Variants in STEAP3 observed in about 807,000 individuals in gnomAD.
STEAP3 encodes the protein STEAP3 metalloreductase.
A neutral mutation model predicts 34.9 loss-of-function variants in STEAP3; 35 were observed. The observed-to-expected ratio is 1.00, with a 90% CI of 0.76 to 1.33. STEAP3 has a LOEUF of 1.33. Among genes scored for constraint, STEAP3 ranks in the 40% most tolerant of loss-of-function variants. The pLI is 0.00. For synonymous variants in STEAP3, 281 were observed against 301.6 expected, an observed-to-expected ratio of 0.93 and a Z score of 0.71; for missense variants, 652 against 667.6, an observed-to-expected ratio of 0.98 and a Z score of 0.26.
At chr2:119,224,455 G>T (rs1017706231) in intron 1 of STEAP3, among the ~76,000 whole-genome samples, 1 of 152,212 alleles carries the variant, frequency 6.6e-6, no homozygotes, top group South Asian at 2.1e-4. Flanking sequence ...CCCTTGCCTG[G>T]CAAAGTTCCC....
chr2:119,259,858 T>C (rs550164698), intron 5 of STEAP3, among the ~76,000 whole-genome samples: 2 of 152,276 alleles, frequency 1.3e-5, no homozygotes, highest in East Asian at 3.9e-4. Context: ...GGGCTTTGTC[T>C]AAGGAACAGA....
At chr2:119,257,316 A>G (rs1282785794) in intron 5 of STEAP3, 6 of 1,109,248 alleles carry the variant, frequency 5.4e-6, no homozygotes, top group Non-Finnish European at 7.1e-6. Context: ...GTCCCTGTCA[A>G]ATAGGCTGAA....
In STEAP3 at chr2:119,262,338, AC is replaced by A. The variant is rs1677965783; in HGVS notation, c.1216-718del. On this transcript the variant is annotated intron_variant, in intron 5 of 5. Coordinates refer to ENST00000393110, the MANE Select transcript of STEAP3 (RefSeq NM_182915.3). ...CACACATAACTAGTAAAATTTATAC[AC>A]ACACACACACACACACATATACATG... Among the ~76,000 whole-genome samples the A allele has an allele frequency of 5.2e-5, 7 of 135,180 alleles. No homozygotes were observed. The Middle Eastern group carries it at 0.017, about 322-fold the overall frequency. The allele number at this position is 135,180 out of a possible 152,430, so 88.7% of individuals were successfully genotyped here.
rs753931702 is a variant in STEAP3 at position 119,231,018 on chromosome 2, G to A, written c.6G>A (p.Ser2=). Residue 2 remains serine (S), a synonymous_variant, in exon 2 of 6, where the codon TCG becomes TCA. Transcript: ENST00000393110. The part of the protein sequence containing the change: M[S]HQPAVATKMP... ...CAGACCCTCACGTCAGCCGGATGTC[G>A]CACCAGCCTGCTGTTGGTAAGTCTG... 1.3e-4 allele frequency: 206 copies of A among 1,614,054 alleles called. No individual in the cohort carries two copies. Among genetic ancestry groups the A allele is most frequent in the Non-Finnish European group, 1.6e-4 (186 of 1,180,048 alleles).
chr2:119,245,761 G>A lies in STEAP3; in HGVS notation c.295G>A (p.Val99Met), dbSNP rs201481272. The A allele has an allele frequency of 6.6e-5, 107 of 1,614,112 alleles. 1 individual carries two copies. The highest frequency in any genetic ancestry group is 2.5e-5 in the Non-Finnish European group (29 of 1,180,056). Residue 99 changes from valine (V) to methionine (M), a missense_variant, in exon 3 of 6, where the codon GTG (valine) becomes ATG (methionine). Coordinates refer to ENST00000393110, the MANE Select transcript of STEAP3 (RefSeq NM_182915.3). ...EAVSSPEVIFVAVFREHYSSL... is the reference protein window; with the variant it reads ...EAVSSPEVIFMAVFREHYSSL... ...AGTGAGCTCCCCGGAGGTCATCTTT[G>A]TGGCTGTGTTCCGGGAGCACTACTC...
intron 2 of STEAP3, among the ~76,000 whole-genome samples, chr2:119,231,354 T>A: frequency 7.9e-6 from 1 of 126,216 alleles, no homozygotes; most frequent in East Asian, 2.2e-4. Context: ...TGTGTGTGTG[T>A]GTGTGTGTGT....
intron 1 of STEAP3, among the ~76,000 whole-genome samples, chr2:119,227,776 T>TG (rs918740426): frequency 3.3e-5 from 5 of 152,108 alleles, no homozygotes; most frequent in Non-Finnish European, 5.9e-5. Context: ...GCCAGCATGC[T>TG]GGGGTCTGTG....
At chr2:119,248,296 C>T in intron 4 of STEAP3, 90 bp downstream of exon 4, 2 of 1,419,188 alleles carry the variant, frequency 1.4e-6, no homozygotes, top group South Asian at 1.4e-5. Context: ...CAGCCGATAC[C>T]CACGGGTGCA....
intron 1 of STEAP3, 128 bp from the exon 2 acceptor site, chr2:119,230,492 A>C (rs1676891460): frequency 6.1e-6 from 1 of 164,960 alleles, no homozygotes; most frequent in African/African-American, 2.4e-5. Flanking sequence ...TGGTGACTGC[A>C]ATAAATTTCC....
intron 2 of STEAP3, chr2:119,245,081 G>A (rs1042442595): frequency 3.8e-5 from 7 of 183,070 alleles, no homozygotes; most frequent in African/African-American, 1.2e-4. Flanking sequence ...AACACCCAGC[G>A]ATGGTGAGGT....
chr2:119,241,438 G>A (rs914528455), intron 2 of STEAP3, among the ~76,000 whole-genome samples: 1 of 152,246 alleles, frequency 6.6e-6, no homozygotes, highest in African/African-American at 2.4e-5. Flanking sequence ...GCATTTTCCT[G>A]TTGCAGACTG....
At chr2:119,245,437 A>G in intron 2 of STEAP3, 52 bp from the exon 3 acceptor site, 1 of 1,521,654 alleles carries the variant, frequency 6.6e-7, no homozygotes, top group Non-Finnish European at 8.8e-7. Flanking sequence ...GAGGTGGCAG[A>G]AGGGGCAGTC....
chr2:119,248,378 A>G, intron 4 of STEAP3, 172 bp downstream of exon 4: 1 of 739,228 alleles, frequency 1.4e-6, no homozygotes, highest in Non-Finnish European at 2.1e-6. Flanking sequence ...CAAGATTTTG[A>G]GTATCAGTGA....
At chr2:119,229,465 A>T (rs1679148350) in intron 1 of STEAP3, among the ~76,000 whole-genome samples, 2 of 152,206 alleles carry the variant, frequency 1.3e-5, no homozygotes, top group South Asian at 4.1e-4. Context: ...CAGAGCAAGG[A>T]AAGGTGCACA....
At chr2:119,249,356 C>T (rs570307574) in intron 4 of STEAP3, among the ~76,000 whole-genome samples, 1 of 152,226 alleles carries the variant, frequency 6.6e-6, no homozygotes, top group Non-Finnish European at 1.5e-5. Context: ...GCTCATGGGG[C>T]TTGATTCTTA....
chr2:119,240,433 C>T (rs770316760), intron 2 of STEAP3, among the ~76,000 whole-genome samples: 11 of 152,218 alleles, frequency 7.2e-5, no homozygotes, highest in South Asian at 2.1e-4. Flanking sequence ...CAATCCATAC[C>T]GACCTCACAG....
chr2:119,248,273 CA>C (rs1677514506), intron 4 of STEAP3, 67 bp downstream of exon 4: 3 of 1,406,310 alleles, frequency 2.1e-6, no homozygotes, highest in Non-Finnish European at 2.9e-6. Context: ...CTCCCCCCCC[CA>C]CCAACCAGGT....
At position 119,235,239 on chromosome 2, in the gene STEAP3, C is replaced by T. The variant is rs903076312; in HGVS notation, c.22+4205C>T. On this transcript the variant is annotated intron_variant, in intron 2 of 5. Coordinates refer to ENST00000393110, the MANE Select transcript of STEAP3 (RefSeq NM_182915.3). ...CCACAATGACTCTGATTGCCTTCTTCTCACCTGAGAGACCCAGCTCTGGGC... is the reference window on the plus strand; with the variant it reads ...CCACAATGACTCTGATTGCCTTCTTTTCACCTGAGAGACCCAGCTCTGGGC... Among the ~76,000 whole-genome samples, 3 of 152,200 alleles carry T rather than the reference C, an allele frequency of 2.0e-5. No homozygotes were observed. In the South Asian group the frequency reaches 6.2e-4, roughly 32 times the overall value.
intron 5 of STEAP3, among the ~76,000 whole-genome samples, chr2:119,261,180 A>G (rs937504177): frequency 1.3e-5 from 2 of 152,138 alleles, no homozygotes; most frequent in African/African-American, 4.8e-5. Context: ...AGGGAGGAGC[A>G]AGAACGGGGC....
Sources: allele counts gnomAD v4.1 joint callset (sites outside exome capture counted in the v4.1 genomes callset), GRCh38; gene constraint gnomAD v4.1.1; transcripts MANE v1.5; gene names NCBI Gene and HGNC (gene_info 2026-07-23, HGNC 2026-07-21).